MAP2K5: variants seen among roughly 807,000 people sequenced by gnomAD.
MAP2K5 encodes dual specificity mitogen-activated protein kinase kinase 5.
Under a neutral mutation model 83.1 loss-of-function variants are expected in MAP2K5, and 49 were observed. That is an observed-to-expected ratio of 0.59 (90% CI 0.47 to 0.75). The LOEUF (loss-of-function observed/expected upper bound fraction) is 0.75, where lower values mean the gene tolerates loss of function less well. MAP2K5 is among the 30% of genes least tolerant of loss of function. MAP2K5 has a pLI of 0.00. For missense variants in MAP2K5, 457 were observed against 557.5 expected, an observed-to-expected ratio of 0.82 and a Z score of 1.82; for synonymous variants, 202 against 191.8, an observed-to-expected ratio of 1.05 and a Z score of -0.44.
At chr15:67,694,347 AATTT>A (rs1182614204) in intron 15 of MAP2K5, among the ~76,000 whole-genome samples, 1 of 152,162 alleles carries the variant, frequency 6.6e-6, no homozygotes, top group African/African-American at 2.4e-5. Context: ...GAAAGCTCTA[AATTT>A]ATTTAGGTAG....
chr15:67,643,252 A>G (rs1188915040), intron 9 of MAP2K5, among the ~76,000 whole-genome samples: 1 of 152,224 alleles, frequency 6.6e-6, no homozygotes, highest in Non-Finnish European at 1.5e-5. Context: ...GAATAGCTGT[A>G]GTATTTTATG....
rs4548812 is a variant in MAP2K5, at chr15:67,768,214, G to A, written c.1135-1388G>A. On this transcript the variant is annotated intron_variant, in intron 19 of 21. Coordinates refer to ENST00000178640, the MANE Select transcript of MAP2K5 (RefSeq NM_145160.3). The surrounding 1 kb of genome is among the most constrained non-coding windows in gnomAD (Gnocchi z 4.0). Reference sequence around the variant, plus strand: ...GTTAATTTTCTGTCTTGTAATTACCGATCTCATTTTTCTGATAATTGGCCA... The same window carrying A: ...GTTAATTTTCTGTCTTGTAATTACCAATCTCATTTTTCTGATAATTGGCCA... Among the ~76,000 whole-genome samples the A allele has an allele frequency of 0.3, 45,664 of 151,900 alleles. 7,949 individuals carry two copies. Among genetic ancestry groups the A allele is most frequent in the East Asian group, 0.6 (3,092 of 5,166 alleles).
At chr15:67,647,900 C>T (rs1321871508) in intron 11 of MAP2K5, among the ~76,000 whole-genome samples, 2 of 151,488 alleles carry the variant, frequency 1.3e-5, no homozygotes, top group Non-Finnish European at 2.9e-5. Flanking sequence ...ATTAGCTAAG[C>T]ATGGTGGTAC....
chr15:67,616,812 T>TTA (rs1423608153), intron 8 of MAP2K5, among the ~76,000 whole-genome samples: 1 of 152,226 alleles, frequency 6.6e-6, no homozygotes, highest in Non-Finnish European at 1.5e-5. Context: ...TTGCTTTCAC[T>TTA]ATTTTAGTGA....
chr15:67,771,090 C>T (rs535476440), intron 20 of MAP2K5, among the ~76,000 whole-genome samples: 46 of 152,034 alleles, frequency 3.0e-4, no homozygotes, highest in Admixed American at 1.4e-3. Flanking sequence ...ATGTATATCC[C>T]TCTTAATTTC....
intron 5 of MAP2K5, among the ~76,000 whole-genome samples, chr15:67,586,204 A>G (rs1189825199): frequency 6.6e-6 from 1 of 152,196 alleles, no homozygotes; most frequent in Non-Finnish European, 1.5e-5. Context: ...GGTATCTACA[A>G]AGATTTTAGT....
chr15:67,699,121 T>C (rs2088343604), intron 15 of MAP2K5, among the ~76,000 whole-genome samples: 1 of 151,786 alleles, frequency 6.6e-6, no homozygotes, highest in South Asian at 2.1e-4. Context: ...TTAAATATGC[T>C]AGCTAAGTTT....
intron 21 of MAP2K5, among the ~76,000 whole-genome samples, chr15:67,787,503 T>C (rs1248499695): frequency 6.6e-6 from 1 of 152,276 alleles, no homozygotes; most frequent in Non-Finnish European, 1.5e-5. Flanking sequence ...ATTCCAGAGC[T>C]GTATCCTTCA....
At chr15:67,715,607 A>G (rs902867390) in intron 16 of MAP2K5, among the ~76,000 whole-genome samples, 1 of 152,334 alleles carries the variant, frequency 6.6e-6, no homozygotes, top group East Asian at 1.9e-4. Flanking sequence ...GCACATACTC[A>G]TATCATGTAT....
At chr15:67,721,693 T>G (rs1031073093) in intron 16 of MAP2K5, among the ~76,000 whole-genome samples, 6 of 152,200 alleles carry the variant, frequency 3.9e-5, no homozygotes, top group Non-Finnish European at 5.9e-5. Context: ...ATAATTCTGT[T>G]TGCGCTGAAG....
Position 67,633,623 on chromosome 15 carries a change from T to C in MAP2K5, c.585+2696T>C, listed in dbSNP as rs117865042. On this transcript the variant is annotated intron_variant, in intron 9 of 21. Coordinates refer to ENST00000178640, the MANE Select transcript of MAP2K5 (RefSeq NM_145160.3). ...AAATAGTTGGGATTTACAAATATAC[T>C]GTTCACTAGACCTGATCATTAAACT... is the stretch of plus-strand genomic sequence containing the variant. Among the ~76,000 whole-genome samples the C allele has an allele frequency of 2.6e-4, 39 of 152,364 alleles. No individual in the cohort carries two copies. In the East Asian group the frequency reaches 5.4e-3, roughly 21 times the overall value.
chr15:67,543,579 C>A lies in MAP2K5; in HGVS notation c.135+109C>A. 2 of 1,313,994 alleles carry A rather than the reference C, an allele frequency of 1.5e-6. No individual in the cohort carries two copies. Among genetic ancestry groups the A allele is most frequent in the Non-Finnish European group, 1.1e-6 (1 of 936,166 alleles). The allele number at this position is 1,313,994 out of a possible 1,614,324, so 81.4% of individuals were successfully genotyped here. On this transcript the variant is annotated intron_variant, in intron 1 of 21. Transcript: ENST00000178640. This position sits in a 1 kb window ranked among gnomAD's most constrained non-coding sequence, Gnocchi z 4.3. ...AGCCAGTGGCAATGGCTACTGCTGG[C>A]TTCCTGTGGAGGCAGTTTTATTGCT...
intron 6 of MAP2K5, among the ~76,000 whole-genome samples, chr15:67,591,096 C>T (rs1471825474): frequency 6.6e-6 from 1 of 152,020 alleles, no homozygotes; most frequent in Non-Finnish European, 1.5e-5. Context: ...CCTGTAATCC[C>T]AGCACTTTGG....
chr15:67,693,615 C>A (rs981527519), intron 15 of MAP2K5, 47 bp downstream of exon 15: 2 of 1,317,808 alleles, frequency 1.5e-6, no homozygotes, highest in African/African-American at 2.9e-5. Flanking sequence ...ACATCTTTAT[C>A]TTTATGTACT....
chr15:67,569,656 A>G (rs904191061), intron 3 of MAP2K5, among the ~76,000 whole-genome samples: 1 of 152,162 alleles, frequency 6.6e-6, no homozygotes, highest in Non-Finnish European at 1.5e-5. Flanking sequence ...GCAGAAGCAT[A>G]TTCAAGTTTG....
At position 67,719,252 on chromosome 15, in the gene MAP2K5, C is replaced by T. The variant is rs189882240; in HGVS notation, c.1045-8664C>T. ...TCTAAGCAGTGATACGTAAGAGGGC[C>T]TTGTCGGTTAAGACCATCAGATCCT... On this transcript the variant is annotated intron_variant, in intron 16 of 21. Coordinates refer to ENST00000178640, the MANE Select transcript of MAP2K5 (RefSeq NM_145160.3). The surrounding 1 kb of genome is among the most constrained non-coding windows in gnomAD (Gnocchi z 4.6). Among the ~76,000 whole-genome samples, 203 of 152,264 alleles carry T rather than the reference C, an allele frequency of 1.3e-3. 2 individuals are homozygous for T. Among genetic ancestry groups the T allele is most frequent in the African/African-American group, 4.8e-3 (200 of 41,532 alleles).
Position 67,755,645 on chromosome 15 carries a change from T to A in MAP2K5, c.1134+7044T>A, listed in dbSNP as rs189119851. 6.6e-6 allele frequency among the ~76,000 whole-genome samples: 1 copy of A among 152,340 alleles called. No individual in the cohort carries two copies. The highest frequency in any genetic ancestry group is 6.5e-5 in the Admixed American group (1 of 15,304). ...GGTAGATGATTGTCCCTATTCATAA[T>A]GATTCTTTTTAGTACCACCATAATG... On this transcript the variant is annotated intron_variant, in intron 19 of 21. Coordinates refer to ENST00000178640, the MANE Select transcript of MAP2K5 (RefSeq NM_145160.3). This position sits in a 1 kb window ranked among gnomAD's most constrained non-coding sequence, Gnocchi z 4.7.
chr15:67,805,287 G>A (rs1470442485), intron 21 of MAP2K5, among the ~76,000 whole-genome samples: 1 of 152,132 alleles, frequency 6.6e-6, no homozygotes, highest in Non-Finnish European at 1.5e-5. Flanking sequence ...CACTGCATCA[G>A]CCTAGGATGA....
intron 1 of MAP2K5, among the ~76,000 whole-genome samples, chr15:67,549,614 A>G (rs559588446): frequency 6.6e-4 from 101 of 152,306 alleles, no homozygotes; most frequent in African/African-American, 2.2e-3. Flanking sequence ...TTTGGAGGGT[A>G]ATCAAATTGA....
Sources: allele counts gnomAD v4.1 joint callset (sites outside exome capture counted in the v4.1 genomes callset), GRCh38; gene constraint gnomAD v4.1.1; non-coding constraint Gnocchi (gnomAD v3.1); transcripts MANE v1.5; gene names NCBI Gene and HGNC (gene_info 2026-07-23, HGNC 2026-07-21).